The following NR6A1 variants were observed in gnomAD, a reference collection of about 807,000 sequenced individuals.
The protein encoded by NR6A1 is nuclear receptor subfamily 6 group A member 1.
NR6A1 carries 7 observed loss-of-function variants against 59.1 expected under a neutral mutation model. The ratio of observed to expected loss-of-function variants is 0.12; its 90% CI spans 0.07 to 0.22. The LOEUF (loss-of-function observed/expected upper bound fraction) is 0.22. Among genes scored for constraint, NR6A1 ranks in the 10% least tolerant of loss-of-function variants. The pLI is 1.00. For missense variants in NR6A1, 468 were observed against 611.6 expected (o/e 0.77, Z 2.48); for synonymous variants, 243 against 236.1 (o/e 1.03, Z -0.27).
intron 2 of NR6A1, among the ~76,000 whole-genome samples, chr9:124,731,543 C>CCTTTCAATAAAAGG (rs1403374305): frequency 2.6e-5 from 4 of 152,112 alleles, no homozygotes; most frequent in African/African-American, 9.7e-5. Flanking sequence ...AAAAGTTATA[C>CCTTTCAATAAAAGG]CAGGTGTGCC....
intron 3 of NR6A1, among the ~76,000 whole-genome samples, chr9:124,548,104 T>A (rs1833654605): frequency 8.5e-6 from 1 of 117,706 alleles, no homozygotes; most frequent in Admixed American, 1.3e-4. Flanking sequence ...CTGTGGGAAG[T>A]GGGGAAGGTG....
chr9:124,672,268 T>C (rs778232980), intron 2 of NR6A1, among the ~76,000 whole-genome samples: 64 of 152,238 alleles, frequency 4.2e-4, no homozygotes, highest in Non-Finnish European at 2.8e-4. Context: ...TATACATTCT[T>C]GTACATATCT....
At chr9:124,689,554 G>A (rs764468998) in intron 2 of NR6A1, among the ~76,000 whole-genome samples, 11 of 152,156 alleles carry the variant, frequency 7.2e-5, no homozygotes, top group Non-Finnish European at 1.5e-4. Flanking sequence ...TGCTCTTTCA[G>A]ATACATAACC....
intron 1 of NR6A1, among the ~76,000 whole-genome samples, chr9:124,734,582 A>C (rs1391121623): frequency 6.6e-6 from 1 of 152,138 alleles, no homozygotes; most frequent in Non-Finnish European, 1.5e-5. Flanking sequence ...AATCCCAGCT[A>C]ATCGGGAGGC....
chr9:124,576,607 C>T (rs1482146097), intron 2 of NR6A1, among the ~76,000 whole-genome samples: 1 of 152,114 alleles, frequency 6.6e-6, no homozygotes, highest in Non-Finnish European at 1.5e-5. Context: ...AGCTTTGTAT[C>T]CCAGTTAGTC....
At chr9:124,727,511 G>A (rs1220588178) in intron 2 of NR6A1, among the ~76,000 whole-genome samples, 2 of 152,040 alleles carry the variant, frequency 1.3e-5, no homozygotes, top group Non-Finnish European at 2.9e-5. Flanking sequence ...GTTCCATTAC[G>A]TTAACATTGT....
intron 2 of NR6A1, among the ~76,000 whole-genome samples, chr9:124,685,006 C>A (rs961744958): frequency 2.6e-5 from 4 of 151,694 alleles, no homozygotes; most frequent in South Asian, 2.1e-4. Flanking sequence ...AAAAAAAATT[C>A]TTTTTCATGA....
In NR6A1 at chr9:124,724,482, G is replaced by A. The variant is rs557343050; in HGVS notation, c.142+8826C>T. ...CTTCTAATATGTCTAACTTCAAGCA[G>A]GTACTTTCCTTGGGATTATATCCTT... On this transcript the variant is annotated intron_variant, in intron 2 of 9. Transcript: ENST00000487099. Among the ~76,000 whole-genome samples the A allele has an allele frequency of 1.8e-4, 27 of 150,024 alleles. 1 individual carries two copies. The East Asian group carries it at 4.1e-3, about 23-fold the overall frequency.
intron 2 of NR6A1, among the ~76,000 whole-genome samples, chr9:124,621,631 G>T (rs1344384661): frequency 1.3e-5 from 2 of 151,840 alleles, no homozygotes; most frequent in African/African-American, 4.8e-5. Flanking sequence ...TGGAGCCTGG[G>T]TGACAGAGTA....
chr9:124,713,289 T>C, intron 2 of NR6A1, among the ~76,000 whole-genome samples: 1 of 151,134 alleles, frequency 6.6e-6, no homozygotes, highest in Non-Finnish European at 1.5e-5. Flanking sequence ...AGCCCTAAAC[T>C]ATAAAACTTT....
chr9:124,697,636 G>A (rs927251491), intron 2 of NR6A1, among the ~76,000 whole-genome samples: 1 of 146,144 alleles, frequency 6.8e-6, no homozygotes, highest in South Asian at 2.1e-4. Context: ...AAAAGATGGT[G>A]AAAAAGTCAT....
At chr9:124,585,127 C>A (rs1422257502) in intron 2 of NR6A1, among the ~76,000 whole-genome samples, 1 of 152,164 alleles carries the variant, frequency 6.6e-6, no homozygotes, top group Non-Finnish European at 1.5e-5. Flanking sequence ...CAGAGCAAGG[C>A]CCTAACTCTC....
chr9:124,767,784 C>T (rs1462790942), intron 1 of NR6A1, among the ~76,000 whole-genome samples: 1 of 152,202 alleles, frequency 6.6e-6, no homozygotes, highest in Non-Finnish European at 1.5e-5. Context: ...TCCCCATTTC[C>T]TCTAAAGTGT....
chr9:124,568,141 T>TCTAGCCTGG (rs1490995371), intron 2 of NR6A1, among the ~76,000 whole-genome samples: 10 of 119,424 alleles, frequency 8.4e-5, no homozygotes, highest in Non-Finnish European at 1.3e-4. Context: ...GCCACTGCAC[T>TCTAGCCTGG]CTAGCCTGGC....
At chr9:124,640,551 C>A (rs1268085786) in intron 2 of NR6A1, among the ~76,000 whole-genome samples, 2 of 152,014 alleles carry the variant, frequency 1.3e-5, no homozygotes, top group African/African-American at 4.8e-5. Flanking sequence ...AGGAGTATGC[C>A]ACTATGCCTG....
At chr9:124,673,004 G>A (rs567604226) in intron 2 of NR6A1, among the ~76,000 whole-genome samples, 1 of 152,286 alleles carries the variant, frequency 6.6e-6, no homozygotes, top group African/African-American at 2.4e-5. Context: ...GCCCAAGAGT[G>A]AGTGACATGT....
intron 2 of NR6A1, among the ~76,000 whole-genome samples, chr9:124,636,638 T>A (rs1836619041): frequency 6.6e-6 from 1 of 152,194 alleles, no homozygotes; most frequent in African/African-American, 2.4e-5. Flanking sequence ...CATATTGATG[T>A]CTAGTTGTTC....
intron 2 of NR6A1, among the ~76,000 whole-genome samples, chr9:124,702,672 A>G (rs748008436): frequency 9.6e-4 from 145 of 151,510 alleles, no homozygotes; most frequent in Non-Finnish European, 1.8e-3. Flanking sequence ...AGAGCCTGGC[A>G]CCTCCTCCTC....
chr9:124,728,368 G>A (rs2131115363), intron 2 of NR6A1, among the ~76,000 whole-genome samples: 1 of 151,932 alleles, frequency 6.6e-6, no homozygotes, highest in East Asian at 2.0e-4. Context: ...AGGCACGGTG[G>A]CTCACGCCTG....
Sources: allele counts gnomAD v4.1 joint callset (sites outside exome capture counted in the v4.1 genomes callset), GRCh38; gene constraint gnomAD v4.1.1; transcripts MANE v1.5; gene names NCBI Gene and HGNC (gene_info 2026-07-23, HGNC 2026-07-21).